Variants in CCDC68 observed in about 807,000 individuals in gnomAD.
CCDC68 encodes coiled-coil domain-containing protein 68.
In CCDC68, 45 loss-of-function variants were observed where a neutral mutation model predicts 47.1. The observed-to-expected ratio is 0.96, with a 90% confidence interval of 0.75 to 1.23. CCDC68 has a LOEUF of 1.23. CCDC68 is among the 50% of genes most tolerant of loss of function. The pLI is 0.00. For synonymous variants in CCDC68, 131 were observed against 129.5 expected (o/e 1.01, Z -0.08); for missense variants, 353 against 373.6 (o/e 0.94, Z 0.45).
Position 54,936,962 on chromosome 18 carries a change from G to GA in CCDC68, c.346-5dup, listed in dbSNP as rs1291568716. 19 of 1,612,850 alleles carry GA rather than the reference G, an allele frequency of 1.2e-5. No individual in the cohort carries two copies. Among genetic ancestry groups the GA allele is most frequent in the Non-Finnish European group, 1.6e-5 (19 of 1,179,652 alleles). ...CTGCTTCTCTGGAGGCTTGCAGCTA[G>GA]AAAAAAGGTCACTATGCATGTTCTG... On this transcript the variant is annotated splice_polypyrimidine_tract_variant and splice_region_variant and intron_variant, in intron 5 of 11. Transcript: ENST00000591504.
chr18:54,947,852 G>C (rs75221148), intron 1 of CCDC68, among the ~76,000 whole-genome samples: 3,184 of 152,242 alleles, frequency 0.021, 118 homozygotes, highest in African/African-American at 0.071. Flanking sequence ...AAACCCGGGG[G>C]AGAAATTCCT....
intron 10 of CCDC68, among the ~76,000 whole-genome samples, chr18:54,915,073 C>T (rs980079716): frequency 6.6e-6 from 1 of 152,078 alleles, no homozygotes; most frequent in Non-Finnish European, 1.5e-5. Flanking sequence ...TGAGCAGAGC[C>T]CAGAACCATA....
At chr18:54,951,490 G>GATAACAAA (rs1417568049) in intron 1 of CCDC68, among the ~76,000 whole-genome samples, 1 of 152,160 alleles carries the variant, frequency 6.6e-6, no homozygotes, top group South Asian at 2.1e-4. Flanking sequence ...GAAGAAACAA[G>GATAACAAA]GCTCAACAAG....
intron 5 of CCDC68, chr18:54,937,167 G>A: frequency 1.9e-6 from 1 of 535,426 alleles, no homozygotes; most frequent in Non-Finnish European, 3.3e-6. Flanking sequence ...TGAACAGGCA[G>A]ATTTGCCATA....
chr18:54,941,173 C>G, intron 3 of CCDC68, 90 bp from the exon 4 acceptor site: 1 of 791,196 alleles, frequency 1.3e-6, no homozygotes, highest in East Asian at 2.6e-5. Flanking sequence ...ACCTGATTAT[C>G]TAGAAAGTAA....
intron 8 of CCDC68, among the ~76,000 whole-genome samples, chr18:54,920,416 T>C (rs2044037860): frequency 1.3e-5 from 2 of 152,210 alleles, no homozygotes; most frequent in Admixed American, 6.5e-5. Context: ...AATTTTTGTA[T>C]TTTTAGTAGA....
At chr18:54,917,096 A>T (rs2043967616) in intron 10 of CCDC68, among the ~76,000 whole-genome samples, 1 of 152,208 alleles carries the variant, frequency 6.6e-6, no homozygotes, top group African/African-American at 2.4e-5. Flanking sequence ...TAGCAGTGTG[A>T]GAACAGACTA....
At chr18:54,950,343 G>A (rs1439869412) in intron 1 of CCDC68, among the ~76,000 whole-genome samples, 1 of 152,186 alleles carries the variant, frequency 6.6e-6, no homozygotes, top group Non-Finnish European at 1.5e-5. Context: ...CCAAACCCTT[G>A]ATGAGGCTAA....
chr18:54,927,451 A>C (rs887599853), intron 8 of CCDC68, among the ~76,000 whole-genome samples: 3 of 152,084 alleles, frequency 2.0e-5, no homozygotes, highest in Non-Finnish European at 2.9e-5. Flanking sequence ...TTTAAAACAC[A>C]TTTTTTAAAG....
At chr18:54,950,007 T>A (rs896389916) in intron 1 of CCDC68, among the ~76,000 whole-genome samples, 1 of 152,126 alleles carries the variant, frequency 6.6e-6, no homozygotes, top group African/African-American at 2.4e-5. Flanking sequence ...TTCACCGGTG[T>A]CCTAGCATAT....
chr18:54,941,492 C>G (rs548795553), intron 3 of CCDC68, among the ~76,000 whole-genome samples: 193 of 151,928 alleles, frequency 1.3e-3, no homozygotes, highest in African/African-American at 4.5e-3. Context: ...CTAGTAATTA[C>G]TACAAAATAA....
chr18:54,921,582 C>A (rs1427654508), intron 8 of CCDC68, among the ~76,000 whole-genome samples: 1 of 152,076 alleles, frequency 6.6e-6, no homozygotes, highest in Non-Finnish European at 1.5e-5. Context: ...AAATGAGGGG[C>A]CTGGGAGAAG....
rs75085552 is a variant in CCDC68, at chr18:54,939,519, G to A, written c.205-1422C>T. 7.7e-3 allele frequency among the ~76,000 whole-genome samples: 1,176 copies of A among 152,136 alleles called. 11 individuals carry two copies. Among genetic ancestry groups the A allele is most frequent in the African/African-American group, 0.027 (1,110 of 41,522 alleles). On this transcript the variant is annotated intron_variant, in intron 4 of 11. Coordinates refer to ENST00000591504, the MANE Select transcript of CCDC68 (RefSeq NM_025214.3). Reference sequence around the variant, plus strand: ...GCAGACCACACTTGAGAGTAGCAAGGCCCTAGATCACTATGGTGAAATCTC... The same window carrying A: ...GCAGACCACACTTGAGAGTAGCAAGACCCTAGATCACTATGGTGAAATCTC...
intron 1 of CCDC68, among the ~76,000 whole-genome samples, chr18:54,956,990 G>C (rs1245870421): frequency 6.6e-6 from 1 of 152,058 alleles, no homozygotes; most frequent in Non-Finnish European, 1.5e-5. Flanking sequence ...TCCTCTGGGG[G>C]TGGGGTGAAT....
chr18:54,918,814 G>A (rs1296412630), intron 9 of CCDC68, among the ~76,000 whole-genome samples: 1 of 152,212 alleles, frequency 6.6e-6, no homozygotes, highest in African/African-American at 2.4e-5. Flanking sequence ...CTAGCTGGCT[G>A]TTACCACAAT....
chr18:54,909,387 T>C (rs1209949898), intron 10 of CCDC68, among the ~76,000 whole-genome samples: 19 of 150,444 alleles, frequency 1.3e-4, no homozygotes, highest in East Asian at 1.2e-3. Context: ...TTTCTTTTTT[T>C]TTTTTTTTTT....
At position 54,950,788 on chromosome 18, in the gene CCDC68, G is replaced by GTATATATATA. The variant is rs759466735; in HGVS notation, c.-102-5321_-102-5312dup. On this transcript the variant is annotated intron_variant, in intron 1 of 11. Transcript: ENST00000591504. ...CTGTGTTATTGTTATTATCTTCAGT[G>GTATATATATA]TATATATATATATATGATGCAATAA... Among the ~76,000 whole-genome samples, 18 of 97,334 alleles carry GTATATATATA rather than the reference G, an allele frequency of 1.8e-4. 1 individual carries two copies. Among genetic ancestry groups the GTATATATATA allele is most frequent in the African/African-American group, 3.9e-4 (10 of 25,742 alleles). The allele number at this position is 97,334 out of a possible 152,430, so 63.9% of individuals were successfully genotyped here. A position where few individuals can be genotyped will look rare whatever the true frequency, so the allele number is the denominator to read the frequency against.
chr18:54,951,494 C>CCA (rs1375875989), intron 1 of CCDC68, among the ~76,000 whole-genome samples: 1 of 152,132 alleles, frequency 6.6e-6, no homozygotes, highest in South Asian at 2.1e-4. Flanking sequence ...AAACAAGGCT[C>CCA]AACAAGATAA....
At position 54,908,892 on chromosome 18, in the gene CCDC68, T is replaced by C. The variant is rs144547017; in HGVS notation, c.874-1030A>G. Among the ~76,000 whole-genome samples, 506 of 152,148 alleles carry C rather than the reference T, an allele frequency of 3.3e-3. 1 individual carries two copies. Among genetic ancestry groups the C allele is most frequent in the African/African-American group, 0.012 (486 of 41,494 alleles). ...GCCTGGCTAATTTTTGTATTTTGGG[T>C]AGAGACAGGGTTTCACCAAGTTGCT... is the stretch of plus-strand genomic sequence containing the variant. On this transcript the variant is annotated intron_variant, in intron 10 of 11. Transcript: ENST00000591504.
Sources: gnomAD v4.1 joint callset for allele counts (sites outside exome capture counted in the v4.1 genomes callset) on GRCh38, gnomAD v4.1.1 for gene constraint, MANE v1.5 for transcripts, NCBI Gene and HGNC (gene_info 2026-07-23, HGNC 2026-07-21) for gene names.